The following CHST10 variants were observed in gnomAD, a reference collection of about 807,000 sequenced individuals.
The protein encoded by CHST10 is HNK-1 sulfotransferase.
CHST10 carries 24 observed loss-of-function variants against 34.7 expected under a neutral mutation model. That is an observed-to-expected ratio of 0.69 (90% CI 0.50 to 0.97). CHST10 has a LOEUF of 0.97. Ranked by LOEUF, CHST10 falls within the 50% of genes least tolerant of loss-of-function variation. CHST10 has a pLI of 0.00. For synonymous variants in CHST10, 161 were observed against 169.3 expected (o/e 0.95, Z 0.38); for missense variants, 402 against 452.1 (o/e 0.89, Z 1.00).
At chr2:100,401,334 CAGTAA>C (rs1675331428) in intron 4 of CHST10, among the ~76,000 whole-genome samples, 1 of 152,136 alleles carries the variant, frequency 6.6e-6, no homozygotes, top group South Asian at 2.1e-4. Context: ...GATTGAAACC[CAGTAA>C]AGTACACTGC....
At chr2:100,401,919 T>G (rs1484437179) in intron 4 of CHST10, among the ~76,000 whole-genome samples, 1 of 152,166 alleles carries the variant, frequency 6.6e-6, no homozygotes, top group South Asian at 2.1e-4. Context: ...CAATTGCAAC[T>G]TCAACCCTCT....
chr2:100,415,246 C>A, intron 1 of CHST10, 135 bp from the exon 2 acceptor site: 1 of 360,738 alleles, frequency 2.8e-6, no homozygotes, highest in Middle Eastern at 7.7e-4. Context: ...CAGAATGGGT[C>A]TCTTACAAAG....
At chr2:100,404,671 T>C (rs945410190) in intron 3 of CHST10, among the ~76,000 whole-genome samples, 1 of 152,194 alleles carries the variant, frequency 6.6e-6, no homozygotes, top group African/African-American at 2.4e-5. Context: ...ATTTACCAGA[T>C]GCCGCTGGGA....
chr2:100,412,566 A>G (rs1675890778), intron 2 of CHST10, among the ~76,000 whole-genome samples: 1 of 152,202 alleles, frequency 6.6e-6, no homozygotes, highest in African/African-American at 2.4e-5. Flanking sequence ...TCTAATGAGC[A>G]GCTGGGACTG....
chr2:100,398,480 C>A (rs1675179756), intron 4 of CHST10, among the ~76,000 whole-genome samples: 1 of 152,140 alleles, frequency 6.6e-6, no homozygotes, highest in African/African-American at 2.4e-5. Flanking sequence ...CCAAGGTGGG[C>A]AGATCCCAAG....
At position 100,393,116 on chromosome 2, in the gene CHST10, A is replaced by T; in HGVS notation, c.*129T>A. The T allele has an allele frequency of 1.1e-6, 1 of 942,428 alleles. No homozygotes were observed. Among genetic ancestry groups the T allele is most frequent in the South Asian group, 1.7e-5 (1 of 60,522 alleles). The allele number at this position is 942,428 out of a possible 1,614,324, so 58.4% of individuals were successfully genotyped here. A position where few individuals can be genotyped will look rare whatever the true frequency, so the allele number is the denominator to read the frequency against. On this transcript the variant is annotated 3_prime_UTR_variant, in exon 7 of 7. Transcript: ENST00000264249. Reference sequence around the variant, plus strand: ...TGCGTCATATGCCGAGGCAACTCACAGGCCTGTGGGAGACCCCGGGCGTCC... The same window carrying T: ...TGCGTCATATGCCGAGGCAACTCACTGGCCTGTGGGAGACCCCGGGCGTCC...
chr2:100,413,350 T>A (rs1675929342), intron 2 of CHST10, among the ~76,000 whole-genome samples: 1 of 152,200 alleles, frequency 6.6e-6, no homozygotes, highest in South Asian at 2.1e-4. Flanking sequence ...AGAATCTGCA[T>A]ATCCATCTTC....
chr2:100,415,141 ATT>A, intron 1 of CHST10, 30 bp from the exon 2 acceptor site: 2 of 1,222,954 alleles, frequency 1.6e-6, no homozygotes, highest in Non-Finnish European at 2.2e-6. Context: ...AAAAAAAAGC[ATT>A]ATTAAAAGTT....
intron 5 of CHST10, among the ~76,000 whole-genome samples, chr2:100,396,565 G>A (rs780943125): frequency 5.3e-5 from 8 of 152,152 alleles, no homozygotes; most frequent in Non-Finnish European, 1.0e-4. Context: ...CCTCCCCCGA[G>A]TGTTTAAAGC....
At chr2:100,407,509 T>G (rs1396974194) in intron 2 of CHST10, among the ~76,000 whole-genome samples, 1 of 152,196 alleles carries the variant, frequency 6.6e-6, no homozygotes, top group African/African-American at 2.4e-5. Flanking sequence ...TGGGCTGAGC[T>G]GGCTTCCACC....
rs1007619820 is a variant in CHST10, at chr2:100,391,905, T to A, written c.*1340A>T. 6.6e-6 allele frequency: 1 copy of A among 152,650 alleles called. No individual in the cohort carries two copies. Among genetic ancestry groups the A allele is most frequent in the Non-Finnish European group, 1.5e-5 (1 of 68,056 alleles). The allele number at this position is 152,650 out of a possible 1,614,324, so 9.5% of individuals were successfully genotyped here. ...TTATTTAACTTTCACATTGACACAA[T>A]CAGGAAACCATTCTGAGAAAAGGTA... On this transcript the variant is annotated 3_prime_UTR_variant, in exon 7 of 7. Transcript: ENST00000264249.
intron 2 of CHST10, among the ~76,000 whole-genome samples, chr2:100,413,261 T>C (rs768156343): frequency 2.6e-5 from 4 of 152,098 alleles, no homozygotes; most frequent in Non-Finnish European, 5.9e-5. Context: ...CTAGAGCTAA[T>C]GGTGGGAGCA....
chr2:100,406,761 A>T lies in CHST10; in HGVS notation c.-32-54T>A, dbSNP rs1675597826. ...TGCTTACAAATACATCAAGTCAACA[A>T]AGAGGAATGAAAACGACAGGTGATT... On this transcript the variant is annotated intron_variant, in intron 2 of 6. Transcript: ENST00000264249. 3 of 1,565,794 alleles carry T rather than the reference A, an allele frequency of 1.9e-6. No individual in the cohort carries two copies. The East Asian group carries it at 7.0e-5, about 37-fold the overall frequency.
chr2:100,402,643 T>A lies in CHST10; in HGVS notation c.113A>T (p.Lys38Ile). The change falls in exon 4 of 7, where the codon AAA becomes ATA. Residue 38 changes from lysine (K) to isoleucine (I), a missense_variant. Coordinates refer to ENST00000264249, the MANE Select transcript of CHST10 (RefSeq NM_004854.5). ...TFKDPDVYSA[K>I]QEFLFLTTMP... is the part of the protein sequence containing the mutation. ...GGTTGTCAGGAACAGAAACTCCTGTTTGGCACTGTACACTGGAAGACAGAG... is the reference window on the plus strand; with the variant it reads ...GGTTGTCAGGAACAGAAACTCCTGTATGGCACTGTACACTGGAAGACAGAG... 6.2e-7 allele frequency: 1 copy of A among 1,613,904 alleles called. No homozygotes were observed. The highest frequency in any genetic ancestry group is 8.5e-7 in the Non-Finnish European group (1 of 1,179,840).
intron 2 of CHST10, among the ~76,000 whole-genome samples, chr2:100,412,165 C>G (rs903376894): frequency 1.9e-4 from 29 of 152,182 alleles, no homozygotes; most frequent in Non-Finnish European, 3.5e-4. Context: ...TCAGCCACTG[C>G]CCAGTCTCAA....
chr2:100,402,518 G>T (rs982029990), intron 4 of CHST10, 46 bp downstream of exon 4: 2 of 1,526,266 alleles, frequency 1.3e-6, no homozygotes, highest in South Asian at 2.2e-5. Context: ...CCGCGACAAG[G>T]GTGCCGTGTT....
At chr2:100,400,078 C>A (rs1257033777) in intron 4 of CHST10, among the ~76,000 whole-genome samples, 2 of 152,212 alleles carry the variant, frequency 1.3e-5, no homozygotes, top group Non-Finnish European at 2.9e-5. Flanking sequence ...CCAAACCTAA[C>A]CCTGATCATG....
intron 6 of CHST10, among the ~76,000 whole-genome samples, chr2:100,394,625 G>A (rs895019195): frequency 1.3e-5 from 2 of 152,288 alleles, no homozygotes; most frequent in African/African-American, 4.8e-5. Context: ...GACGTGAGCC[G>A]CTGCTTTTGC....
intron 3 of CHST10, among the ~76,000 whole-genome samples, chr2:100,405,552 A>G (rs60468180): frequency 0.16 from 23,896 of 152,152 alleles, 4,538 homozygotes; most frequent in African/African-American, 0.45. Context: ...GAGCTCTGTG[A>G]GGTGGAGCAG....
Sources: gnomAD v4.1 joint callset for allele counts (sites outside exome capture counted in the v4.1 genomes callset) on GRCh38, gnomAD v4.1.1 for gene constraint, MANE v1.5 for transcripts, NCBI Gene and HGNC (gene_info 2026-07-23, HGNC 2026-07-21) for gene names.